Variants in PCTP observed in about 807,000 individuals in gnomAD.
PCTP encodes phosphatidylcholine transfer protein, also known as START domain-containing protein 2.
A neutral mutation model predicts 31.0 loss-of-function variants in PCTP; 27 were observed. That is an observed-to-expected ratio of 0.87 (90% CI 0.64 to 1.20). The LOEUF is 1.20. Ranked by LOEUF, PCTP falls within the 50% of genes most tolerant of loss-of-function variation. The probability of loss-of-function intolerance (pLI) is 0.00; values close to 1 mark genes in which losing one functional copy is unlikely to be tolerated. For missense variants in PCTP, 287 were observed against 268.2 expected (o/e 1.07, Z -0.49); for synonymous variants, 108 against 101.2 (o/e 1.07, Z -0.40).
At chr17:55,784,525 A>G (rs1017336005) in intron 2 of PCTP, among the ~76,000 whole-genome samples, 1 of 152,212 alleles carries the variant, frequency 6.6e-6, no homozygotes, top group Non-Finnish European at 1.5e-5. Flanking sequence ...CAAATTCTAA[A>G]CAATCTGATT....
At chr17:55,813,291 C>T (rs1389661493) in intron 3 of PCTP, among the ~76,000 whole-genome samples, 1 of 152,112 alleles carries the variant, frequency 6.6e-6, no homozygotes, top group Admixed American at 6.6e-5. Flanking sequence ...TATTTTGAGA[C>T]AGCACCTTGC....
At chr17:55,780,739 T>G (rs1331488174), downstream of PCTP, among the ~76,000 whole-genome samples, 1 of 152,198 alleles carries the variant, frequency 6.6e-6, no homozygotes, top group Non-Finnish European at 1.5e-5. Context: ...CAGCCACCCT[T>G]GCAGTAAAGT....
intron 3 of PCTP, among the ~76,000 whole-genome samples, chr17:55,804,461 A>G (rs9903217): frequency 0.042 from 6,420 of 152,266 alleles, 432 homozygotes; most frequent in African/African-American, 0.14. Flanking sequence ...CTTGGGACCA[A>G]TCCAAATGCC....
At chr17:55,806,302 G>C (rs552488353) in intron 3 of PCTP, among the ~76,000 whole-genome samples, 1 of 152,184 alleles carries the variant, frequency 6.6e-6, no homozygotes, top group Non-Finnish European at 1.5e-5. Context: ...GGAGGTACTG[G>C]TTCTTACTGG....
chr17:55,837,004 A>G (rs900045793), intron 5 of PCTP, among the ~76,000 whole-genome samples: 1 of 152,196 alleles, frequency 6.6e-6, no homozygotes, highest in Non-Finnish European at 1.5e-5. Context: ...TTGGAGGAGT[A>G]GCAGGACTAG....
In PCTP at chr17:55,776,097, C is replaced by A. The variant is rs759943097; in HGVS notation, c.642C>A (p.Thr214=). The change falls in exon 6 of 6, where the codon ACC becomes ACA. Residue 214 remains threonine (T), a synonymous_variant. Transcript: ENST00000268896. ...ARACQNYLKK[T] ...CCTGTCAGAACTACCTCAAGAAAAC[C>A]TAAGAAAGAGAACTGGGAACATTGC... 4 of 1,613,896 alleles carry A rather than the reference C, an allele frequency of 2.5e-6. No homozygotes were observed. In the East Asian group the frequency reaches 8.9e-5, roughly 36 times the overall value.
At chr17:55,802,938 A>G (rs1567725468) in intron 3 of PCTP, among the ~76,000 whole-genome samples, 1 of 152,226 alleles carries the variant, frequency 6.6e-6, no homozygotes, top group Non-Finnish European at 1.5e-5. Flanking sequence ...TGCAGATAGC[A>G]TGATTGTATA....
chr17:55,789,890 T>C (rs1294679633), intron 3 of PCTP, among the ~76,000 whole-genome samples: 1 of 152,126 alleles, frequency 6.6e-6, no homozygotes, highest in Non-Finnish European at 1.5e-5. Context: ...TGAACATTGA[T>C]GCAAAAATCC....
At chr17:55,806,780 A>G (rs1248927947) in intron 3 of PCTP, among the ~76,000 whole-genome samples, 1 of 151,936 alleles carries the variant, frequency 6.6e-6, no homozygotes, top group Non-Finnish European at 1.5e-5. Flanking sequence ...TTGTGTAAGT[A>G]TTTATACAAG....
downstream of PCTP, among the ~76,000 whole-genome samples, chr17:55,779,589 T>C (rs970907274): frequency 1.3e-5 from 2 of 152,198 alleles, no homozygotes; most frequent in Admixed American, 1.3e-4. Context: ...ATGGCAAGGA[T>C]TTGGGACTTT....
chr17:55,770,863 A>T (rs1436328335), intron 2 of PCTP: 2 of 374,434 alleles, frequency 5.3e-6, no homozygotes, highest in African/African-American at 4.2e-5. Flanking sequence ...GGGACTACAG[A>T]CATGCACCAC....
intron 1 of PCTP, among the ~76,000 whole-genome samples, chr17:55,752,487 G>T (rs1395616371): frequency 6.6e-6 from 1 of 152,164 alleles, no homozygotes; most frequent in African/African-American, 2.4e-5. Context: ...TTGTAATATT[G>T]CCAAGGTCAA....
At chr17:55,810,064 G>A (rs1030993895) in intron 3 of PCTP, among the ~76,000 whole-genome samples, 1 of 152,120 alleles carries the variant, frequency 6.6e-6, no homozygotes, top group Admixed American at 6.5e-5. Context: ...CTTTCACCCA[G>A]GCTGGAGTGC....
chr17:55,758,099 A>G (rs1438883616), intron 1 of PCTP, among the ~76,000 whole-genome samples: 1 of 152,214 alleles, frequency 6.6e-6, no homozygotes, highest in Non-Finnish European at 1.5e-5. Flanking sequence ...CACTGCCCAT[A>G]GAGTGTGGAA....
intron 2 of PCTP, among the ~76,000 whole-genome samples, chr17:55,768,423 G>A (rs1456451015): frequency 6.6e-6 from 1 of 152,168 alleles, no homozygotes; most frequent in Non-Finnish European, 1.5e-5. Flanking sequence ...TATGTGAGGA[G>A]GTAAGAGAGG....
chr17:55,773,401 C>A (rs1911116555), intron 3 of PCTP, among the ~76,000 whole-genome samples: 1 of 152,210 alleles, frequency 6.6e-6, no homozygotes, highest in Non-Finnish European at 1.5e-5. Flanking sequence ...CCTAGGACCA[C>A]ACAGCTGTTA....
chr17:55,761,978 G>A (rs1432133964), intron 1 of PCTP, among the ~76,000 whole-genome samples: 1 of 152,116 alleles, frequency 6.6e-6, no homozygotes, highest in African/African-American at 2.4e-5. Flanking sequence ...AAGGAGTTAG[G>A]GAAAGAAGTA....
intron 5 of PCTP, among the ~76,000 whole-genome samples, chr17:55,828,867 A>G (rs1905494156): frequency 6.6e-6 from 1 of 152,212 alleles, no homozygotes; most frequent in South Asian, 2.1e-4. Context: ...CAATGGGCAT[A>G]ACAGCCAAGG....
intron 1 of PCTP, among the ~76,000 whole-genome samples, chr17:55,754,075 T>C (rs1342706783): frequency 6.6e-6 from 1 of 152,218 alleles, no homozygotes; most frequent in Non-Finnish European, 1.5e-5. Flanking sequence ...TGAGGATTTC[T>C]CTCCAAACAC....
Sources: gnomAD v4.1 joint callset for allele counts (sites outside exome capture counted in the v4.1 genomes callset) on GRCh38, gnomAD v4.1.1 for gene constraint, MANE v1.5 for transcripts, NCBI Gene and HGNC (gene_info 2026-07-23, HGNC 2026-07-21) for gene names.